The following CCDC88A variants were observed in gnomAD, a reference collection of about 807,000 sequenced individuals.
CCDC88A encodes coiled-coil and HOOK domain protein 88A.
A neutral mutation model predicts 234.3 loss-of-function variants in CCDC88A; 54 were observed. The observed-to-expected ratio is 0.23, with a 90% CI of 0.19 to 0.29. The LOEUF (loss-of-function observed/expected upper bound fraction) is 0.29. Among genes scored for constraint, CCDC88A ranks in the 10% least tolerant of loss-of-function variants. The pLI is 1.00. For synonymous variants in CCDC88A, 753 were observed against 737.8 expected (o/e 1.02, Z -0.33); for missense variants, 1,832 against 2,123.4 (o/e 0.86, Z 2.70).
At chr2:55,416,462 A>G (rs1434762767) in intron 2 of CCDC88A, among the ~76,000 whole-genome samples, 1 of 89,188 alleles carries the variant, frequency 1.1e-5, no homozygotes, top group African/African-American at 6.1e-5. Context: ...ATATATATAT[A>G]TATATATATA....
intron 2 of CCDC88A, among the ~76,000 whole-genome samples, chr2:55,395,967 C>A (rs183920867): frequency 1.1e-4 from 17 of 152,284 alleles, no homozygotes; most frequent in Admixed American, 4.6e-4. Context: ...GAAGTCAGAT[C>A]ACGTGTCATG....
At position 55,384,527 on chromosome 2, in the gene CCDC88A, A is replaced by ATGCG. The variant is rs376696224; in HGVS notation, c.273+4250_273+4251insCGCA. 6.2e-3 allele frequency among the ~76,000 whole-genome samples: 534 copies of ATGCG among 86,512 alleles called. 91 individuals are homozygous for ATGCG. The highest frequency in any genetic ancestry group is 0.022 in the African/African-American group (500 of 22,398). 56.8% of individuals were successfully genotyped at this position (86,512 alleles called of 152,430 possible). A position where few individuals can be genotyped will look rare whatever the true frequency, so the allele number is the denominator to read the frequency against. On this transcript the variant is annotated intron_variant, in intron 3 of 32. Transcript: ENST00000436346. ...TGAATATTATATATAAATTATATAT[A>ATGCG]TATACATATATACGTATATATGTGT...
chr2:55,403,406 C>G (rs1679048154), intron 2 of CCDC88A: 1 of 152,168 alleles, frequency 6.6e-6, no homozygotes, highest in South Asian at 2.1e-4. Context: ...AACAAAATAA[C>G]TTTTATTGCT....
At chr2:55,396,965 T>C (rs1236965109) in intron 2 of CCDC88A, among the ~76,000 whole-genome samples, 2 of 151,736 alleles carry the variant, frequency 1.3e-5, no homozygotes, top group Non-Finnish European at 2.9e-5. Flanking sequence ...TGTTTGAGCA[T>C]ATTCCCAATT....
chr2:55,295,862 T>C lies in CCDC88A; in HGVS notation c.5286A>G (p.Glu1762=). Residue 1762 remains glutamate (E), a synonymous_variant, in exon 31 of 33, where the codon GAA becomes GAG. Coordinates refer to ENST00000436346, the MANE Select transcript of CCDC88A (RefSeq NM_001365480.1). ...EFLRPGPRKT[E]DTYFISSAGK... is the part of the protein sequence containing the mutation. Reference sequence around the variant, plus strand: ...CCGCAGAACTAATGAAGTAGGTATCTTCAGTTTTTCGAGGACCAGGTCTCA... The same window carrying C: ...CCGCAGAACTAATGAAGTAGGTATCCTCAGTTTTTCGAGGACCAGGTCTCA... The C allele has an allele frequency of 1.2e-6, 2 of 1,614,176 alleles. No individual in the cohort carries two copies. The highest frequency in any genetic ancestry group is 2.2e-5 in the South Asian group (2 of 91,076).
chr2:55,320,357 G>C (rs552175342), intron 18 of CCDC88A, among the ~76,000 whole-genome samples: 6 of 152,250 alleles, frequency 3.9e-5, no homozygotes, highest in Non-Finnish European at 7.4e-5. Flanking sequence ...AGATAGCTGA[G>C]AGGGTATCTT....
At chr2:55,361,321 T>C (rs1209272557) in intron 7 of CCDC88A, among the ~76,000 whole-genome samples, 1 of 152,160 alleles carries the variant, frequency 6.6e-6, no homozygotes, top group Non-Finnish European at 1.5e-5. Flanking sequence ...CAGGATAAAT[T>C]TGATGCATAG....
rs1039594016 is a variant in CCDC88A at position 55,294,639 on chromosome 2, T to A, written c.5551+958A>T. ...AAAAAGGAGTGACAGTCAGAGCAAG[T>A]GAGGGGTGGGAAGAGGAGGAAGGGA... On this transcript the variant is annotated intron_variant, in intron 31 of 32. Transcript: ENST00000436346. 3 of 988,322 alleles carry A rather than the reference T, an allele frequency of 3.0e-6. No individual in the cohort carries two copies. The African/African-American group carries it at 5.3e-5, about 17-fold the overall frequency. The allele number at this position is 988,322 out of a possible 1,614,324, so 61.2% of individuals were successfully genotyped here. A position where few individuals can be genotyped will look rare whatever the true frequency, so the allele number is the denominator to read the frequency against.
At position 55,349,449 on chromosome 2, in the gene CCDC88A, A is replaced by T. The variant is rs13389151; in HGVS notation, c.882+69T>A. 3 of 1,129,340 alleles carry T rather than the reference A, an allele frequency of 2.7e-6. No homozygotes were observed. In the African/African-American group the frequency reaches 4.7e-5, roughly 18 times the overall value. 70.0% of individuals were successfully genotyped at this position (1,129,340 alleles called of 1,614,324 possible). A position where few individuals can be genotyped will look rare whatever the true frequency, so the allele number is the denominator to read the frequency against. ...ATAAAGCATTGAAGTAAAGGTTATAAATTACAAGGAAGAAAATCAATTTCC... is the reference window on the plus strand; with the variant it reads ...ATAAAGCATTGAAGTAAAGGTTATATATTACAAGGAAGAAAATCAATTTCC... On this transcript the variant is annotated intron_variant, in intron 9 of 32. Transcript: ENST00000436346.
At chr2:55,353,729 CAG>C (rs1670195013) in intron 8 of CCDC88A, among the ~76,000 whole-genome samples, 1 of 150,984 alleles carries the variant, frequency 6.6e-6, no homozygotes, top group Non-Finnish European at 1.5e-5. Flanking sequence ...AAATCTCCAG[CAG>C]AGACTGATCA....
chr2:55,305,655 T>C (rs1681461223), intron 25 of CCDC88A, among the ~76,000 whole-genome samples: 1 of 152,154 alleles, frequency 6.6e-6, no homozygotes, highest in Admixed American at 6.5e-5. Context: ...GAGACCAGTC[T>C]GGGCTTAATA....
At chr2:55,407,541 G>A (rs1351357846) in intron 2 of CCDC88A, among the ~76,000 whole-genome samples, 1 of 151,614 alleles carries the variant, frequency 6.6e-6, no homozygotes, top group Non-Finnish European at 1.5e-5. Flanking sequence ...GGAGGCAGAG[G>A]TTGTAGTGAG....
chr2:55,320,973 G>T (rs1683553488), intron 18 of CCDC88A: 1 of 152,320 alleles, frequency 6.6e-6, no homozygotes, highest in Non-Finnish European at 1.5e-5. Flanking sequence ...CGCTGGGTGT[G>T]GTGGTGTGCA....
At position 55,290,357 on chromosome 2, in the gene CCDC88A, A is replaced by G. The variant is rs144826545; in HGVS notation, c.*843T>C. 1.8e-3 allele frequency: 277 copies of G among 152,208 alleles called. No individual in the cohort carries two copies. Among genetic ancestry groups the G allele is most frequent in the African/African-American group, 6.5e-3 (272 of 41,574 alleles). The allele number at this position is 152,208 out of a possible 1,614,324, so 9.4% of individuals were successfully genotyped here. Reference sequence around the variant, plus strand: ...TCTCAAGTTAAAAAAATGCACACGCATACATAACCCAATACCAAAGAAAAG... The same window carrying G: ...TCTCAAGTTAAAAAAATGCACACGCGTACATAACCCAATACCAAAGAAAAG... On this transcript the variant is annotated 3_prime_UTR_variant, in exon 33 of 33. Coordinates refer to ENST00000436346, the MANE Select transcript of CCDC88A (RefSeq NM_001365480.1).
In CCDC88A at chr2:55,317,710, G is replaced by T. The variant is rs764996254; in HGVS notation, c.3456C>A (p.Leu1152=). Reference sequence around the variant, plus strand: ...CATGATCTTTGATCAGAGAATCATAGAGAGATTTTAGGTCTTCTCGCTCTT... The same window carrying T: ...CATGATCTTTGATCAGAGAATCATATAGAGATTTTAGGTCTTCTCGCTCTT... ...VIKEREDLKS[L]YDSLIKDHEK... Residue 1152 remains leucine, a synonymous_variant, in exon 20 of 33, where the codon CTC becomes CTA. Coordinates refer to ENST00000436346, the MANE Select transcript of CCDC88A (RefSeq NM_001365480.1). This position sits in a 1 kb window ranked among gnomAD's most constrained non-coding sequence, Gnocchi z 4.2. 2 of 1,613,634 alleles carry T rather than the reference G, an allele frequency of 1.2e-6. No homozygotes were observed. The highest frequency in any genetic ancestry group is 2.2e-5 in the South Asian group (2 of 91,066).
intron 3 of CCDC88A, among the ~76,000 whole-genome samples, chr2:55,378,730 C>T (rs1420758139): frequency 1.3e-5 from 2 of 150,622 alleles, no homozygotes; most frequent in Admixed American, 6.6e-5. Context: ...ATTTTTTATA[C>T]ACATATACTT....
intron 29 of CCDC88A, 182 bp from the exon 30 acceptor site, chr2:55,296,705 G>T: frequency 1.6e-6 from 1 of 622,250 alleles, no homozygotes; most frequent in East Asian, 2.8e-5. Flanking sequence ...GTCTGCCATA[G>T]CCTGCTTCCT....
At chr2:55,379,855 G>A (rs1046696523) in intron 3 of CCDC88A, among the ~76,000 whole-genome samples, 6 of 152,072 alleles carry the variant, frequency 3.9e-5, no homozygotes, top group Admixed American at 3.3e-4. Context: ...ATGGGTTGCG[G>A]TGAGCCAAGA....
chr2:55,406,366 A>G (rs1228615339), intron 2 of CCDC88A, among the ~76,000 whole-genome samples: 1 of 152,212 alleles, frequency 6.6e-6, no homozygotes, highest in Non-Finnish European at 1.5e-5. Context: ...CTTTTAAACC[A>G]GTCTTGGTAA....
Sources: allele counts gnomAD v4.1 joint callset (sites outside exome capture counted in the v4.1 genomes callset), GRCh38; gene constraint gnomAD v4.1.1; non-coding constraint Gnocchi (gnomAD v3.1); transcripts MANE v1.5; gene names NCBI Gene and HGNC (gene_info 2026-07-23, HGNC 2026-07-21).